Variants in ELP3 observed in about 807,000 individuals in gnomAD.
ELP3 encodes elongator complex protein 3.
A neutral mutation model predicts 74.9 loss-of-function variants in ELP3; 56 were observed. The observed-to-expected ratio is 0.75, with a 90% CI of 0.60 to 0.93. The LOEUF (loss-of-function observed/expected upper bound fraction) is 0.93. Among genes scored for constraint, ELP3 ranks in the 40% least tolerant of loss-of-function variants. The probability of loss-of-function intolerance (pLI) is 0.00; values close to 1 mark genes in which losing one functional copy is unlikely to be tolerated. For missense variants in ELP3, 573 were observed against 686.5 expected, an observed-to-expected ratio of 0.83 and a Z score of 1.85; for synonymous variants, 222 against 239.8, an observed-to-expected ratio of 0.93 and a Z score of 0.68.
rs764713897 is a variant in ELP3 at position 28,155,948 on chromosome 8, T to C, written c.1107T>C (p.Ile369=). The change falls in exon 11 of 15, where the codon ATT becomes ATC. Residue 369 remains isoleucine, a synonymous_variant. Coordinates refer to ENST00000256398, the MANE Select transcript of ELP3 (RefSeq NM_018091.6). The stretch of plus-strand genomic sequence containing the variant: ...GTTTTTCTCCTGTGTACAGGGATAT[T>C]CCAATGCCTTTAGTTAGCTCAGGAG... The part of the protein sequence containing the change: ...WTRVYRVQRD[I]PMPLVSSGVE... 6.2e-7 allele frequency: 1 copy of C among 1,613,520 alleles called. No individual in the cohort carries two copies. Among genetic ancestry groups the C allele is most frequent in the South Asian group, 1.1e-5 (1 of 91,074 alleles).
At chr8:28,143,295 C>T (rs894621209) in intron 10 of ELP3, among the ~76,000 whole-genome samples, 1 of 152,254 alleles carries the variant, frequency 6.6e-6, no homozygotes, top group Admixed American at 6.5e-5. Context: ...ATACTCCCCC[C>T]CAACAGTCTG....
intron 14 of ELP3, among the ~76,000 whole-genome samples, chr8:28,176,560 C>CTCCCCTAG (rs1173622385): frequency 1.3e-5 from 2 of 152,184 alleles, no homozygotes; most frequent in Non-Finnish European, 2.9e-5. Flanking sequence ...TCATCAGACA[C>CTCCCCTAG]TCCCCTAGTC....
At chr8:28,097,448 T>C in intron 2 of ELP3, 130 bp downstream of exon 2, 3 of 588,044 alleles carry the variant, frequency 5.1e-6, no homozygotes, top group Non-Finnish European at 8.8e-6. Context: ...TGCCTTGCCT[T>C]GTCATTCATT....
chr8:28,149,735 G>C (rs74916475), intron 10 of ELP3, among the ~76,000 whole-genome samples: 4,477 of 152,074 alleles, frequency 0.029, 242 homozygotes, highest in African/African-American at 0.1. Flanking sequence ...TTTACTCATA[G>C]TTTCCTAAGA....
intron 10 of ELP3, among the ~76,000 whole-genome samples, chr8:28,138,095 A>G (rs1488312300): frequency 6.6e-6 from 1 of 152,302 alleles, no homozygotes; most frequent in East Asian, 1.9e-4. Flanking sequence ...TTATCTACCC[A>G]TTCATTCATG....
chr8:28,189,053 G>A (rs1815351890), intron 14 of ELP3, among the ~76,000 whole-genome samples: 1 of 152,234 alleles, frequency 6.6e-6, no homozygotes, highest in Non-Finnish European at 1.5e-5. Flanking sequence ...CACTTCATGA[G>A]CCAGGGCCAT....
intron 10 of ELP3, among the ~76,000 whole-genome samples, chr8:28,138,944 C>A (rs1318800536): frequency 1.3e-5 from 2 of 152,164 alleles, no homozygotes; most frequent in African/African-American, 2.4e-5. Flanking sequence ...TTGTGTGGCC[C>A]TTCCCCTTGT....
Position 28,100,853 on chromosome 8 carries a change from A to G in ELP3, c.258+887A>G, listed in dbSNP as rs1014485941. Among the ~76,000 whole-genome samples, 81 of 152,316 alleles carry G rather than the reference A, an allele frequency of 5.3e-4. 2 individuals carry two copies. The highest frequency in any genetic ancestry group is 5.8e-4 in the East Asian group (3 of 5,184). ...AAAGATGAGTGTGAGATACATGCAC[A>G]GAAATTGATAGAATTAAGACCCTCC... On this transcript the variant is annotated intron_variant, in intron 3 of 14. Coordinates refer to ENST00000256398, the MANE Select transcript of ELP3 (RefSeq NM_018091.6).
rs562872033 is a variant in ELP3 at position 28,159,689 on chromosome 8, C to T, written c.1258-540C>T. Among the ~76,000 whole-genome samples the T allele has an allele frequency of 2.6e-5, 4 of 152,306 alleles. No homozygotes were observed. In the East Asian group the frequency reaches 7.7e-4, roughly 29 times the overall value. On this transcript the variant is annotated intron_variant, in intron 12 of 14. Coordinates refer to ENST00000256398, the MANE Select transcript of ELP3 (RefSeq NM_018091.6). The stretch of plus-strand genomic sequence containing the variant: ...ACTGAACTTTCTCTAACATTTTTAT[C>T]CCATAATTATGCATAATATTTAAGT...
chr8:28,134,961 C>T (rs1211791307), intron 9 of ELP3, among the ~76,000 whole-genome samples: 1 of 151,580 alleles, frequency 6.6e-6, no homozygotes, highest in Admixed American at 6.6e-5. Flanking sequence ...CGGAGTCTCG[C>T]ACTGTCATTC....
At chr8:28,188,199 C>A (rs142608072) in intron 14 of ELP3, among the ~76,000 whole-genome samples, 13 of 152,314 alleles carry the variant, frequency 8.5e-5, no homozygotes, top group African/African-American at 3.1e-4. Flanking sequence ...TTGAGGAATG[C>A]GTCCAATATG....
chr8:28,132,129 A>G lies in ELP3; in HGVS notation c.780-149A>G, dbSNP rs79959029. The G allele has an allele frequency of 1.7e-3, 1,238 of 729,124 alleles. 8 individuals carry two copies. The African/African-American group carries it at 0.018, about 11-fold the overall frequency. 45.2% of individuals were successfully genotyped at this position (729,124 alleles called of 1,614,324 possible). ...TTCTGAGATGTCTTTTCCCCCAGCC[A>G]TATGATTTTGGTTATGGAACTTCTG... is the stretch of plus-strand genomic sequence containing the variant. On this transcript the variant is annotated intron_variant, in intron 8 of 14. Transcript: ENST00000256398.
At chr8:28,179,195 C>A (rs151238966) in intron 14 of ELP3, among the ~76,000 whole-genome samples, 248 of 152,244 alleles carry the variant, frequency 1.6e-3, no homozygotes, top group Non-Finnish European at 3.0e-3. Flanking sequence ...TGGAACCAGC[C>A]CCCCACATAT....
chr8:28,151,111 G>C (rs1813626545), intron 10 of ELP3, among the ~76,000 whole-genome samples: 1 of 152,132 alleles, frequency 6.6e-6, no homozygotes, highest in Non-Finnish European at 1.5e-5. Context: ...ACAGTTCTTG[G>C]AAATTCTGTT....
chr8:28,136,381 G>T (rs1413441886), intron 9 of ELP3, among the ~76,000 whole-genome samples: 1 of 152,190 alleles, frequency 6.6e-6, no homozygotes, highest in East Asian at 1.9e-4. Flanking sequence ...GTATCAGCCT[G>T]TATGTCTCCG....
intron 10 of ELP3, among the ~76,000 whole-genome samples, chr8:28,152,206 G>T (rs2130525889): frequency 6.6e-6 from 1 of 152,302 alleles, no homozygotes; most frequent in Non-Finnish European, 1.5e-5. Context: ...TGACTTTTCA[G>T]AGTGTTGACC....
chr8:28,178,125 C>T (rs1171108403), intron 14 of ELP3, among the ~76,000 whole-genome samples: 1 of 152,150 alleles, frequency 6.6e-6, no homozygotes, highest in Non-Finnish European at 1.5e-5. Flanking sequence ...TATGTCTTAG[C>T]TCACTCAGGC....
At chr8:28,150,951 T>G (rs1426716356) in intron 10 of ELP3, among the ~76,000 whole-genome samples, 1 of 152,112 alleles carries the variant, frequency 6.6e-6, no homozygotes, top group African/African-American at 2.4e-5. Context: ...GTGCCTCCGT[T>G]TTTTGTGGGG....
At chr8:28,110,590 T>A in intron 6 of ELP3, 152 bp downstream of exon 6, 2 of 633,024 alleles carry the variant, frequency 3.2e-6, no homozygotes, top group South Asian at 4.3e-5. Context: ...GGAGGGAGAA[T>A]TTGCCATGCC....
Sources: gnomAD v4.1 joint callset for allele counts (sites outside exome capture counted in the v4.1 genomes callset) on GRCh38, gnomAD v4.1.1 for gene constraint, MANE v1.5 for transcripts, NCBI Gene and HGNC (gene_info 2026-07-23, HGNC 2026-07-21) for gene names.